FRMD3: variants seen among roughly 807,000 people sequenced by gnomAD.
FRMD3 encodes the protein FERM domain-containing protein 3.
In FRMD3, 33 loss-of-function variants were observed where a neutral mutation model predicts 70.2. That is an observed-to-expected ratio of 0.47 (90% CI 0.36 to 0.63). The LOEUF is 0.63. Among genes scored for constraint, FRMD3 ranks in the 20% least tolerant of loss-of-function variants. FRMD3 has a pLI of 0.00. For synonymous variants in FRMD3, 279 were observed against 255.9 expected (o/e 1.09, Z -0.86); for missense variants, 632 against 711.4 (o/e 0.89, Z 1.27).
At chr9:83,516,294 G>GA (rs878971110) in intron 1 of FRMD3, among the ~76,000 whole-genome samples, 114 of 119,696 alleles carry the variant, frequency 9.5e-4, no homozygotes, top group Admixed American at 1.4e-3. Context: ...CAAATAGAAA[G>GA]AAAAAAAAAA....
chr9:83,385,159 A>G (rs1309969859), intron 2 of FRMD3, among the ~76,000 whole-genome samples: 1 of 148,946 alleles, frequency 6.7e-6, no homozygotes, highest in Non-Finnish European at 1.5e-5. Context: ...ATACCTGAGC[A>G]GAAGTGGTAA....
chr9:83,465,329 C>T (rs1380074026), intron 1 of FRMD3, among the ~76,000 whole-genome samples: 2 of 152,178 alleles, frequency 1.3e-5, no homozygotes, highest in East Asian at 3.9e-4. Context: ...GTGGCTCATG[C>T]CTGTAAGCTC....
intron 6 of FRMD3, among the ~76,000 whole-genome samples, chr9:83,317,190 G>GCACA (rs1186364328): frequency 9.0e-6 from 1 of 111,166 alleles, no homozygotes; most frequent in Non-Finnish European, 1.8e-5. Context: ...CGTCTCTCAT[G>GCACA]CATACACACA....
intron 6 of FRMD3, among the ~76,000 whole-genome samples, chr9:83,320,829 T>G (rs558018491): frequency 6.6e-4 from 101 of 152,264 alleles, no homozygotes; most frequent in African/African-American, 2.2e-3. Flanking sequence ...GTTGTTTTGT[T>G]GTTGTTGTTG....
chr9:83,246,962 G>A lies in FRMD3; in HGVS notation c.*956C>T. ...CTTTCCATTTCTCCAGTTCCTATCT[G>A]CCTTCACTCTTGGGTTAATGTACAT... is the stretch of plus-strand genomic sequence containing the variant. On this transcript the variant is annotated 3_prime_UTR_variant, in exon 14 of 14. Coordinates refer to ENST00000304195, the MANE Select transcript of FRMD3 (RefSeq NM_174938.6). 1.0e-6 allele frequency: 1 copy of A among 985,352 alleles called. No individual in the cohort carries two copies. The highest frequency in any genetic ancestry group is 1.2e-6 in the Non-Finnish European group (1 of 829,930). The allele number at this position is 985,352 out of a possible 1,614,324, so 61.0% of individuals were successfully genotyped here. A position where few individuals can be genotyped will look rare whatever the true frequency, so the allele number is the denominator to read the frequency against.
intron 1 of FRMD3, among the ~76,000 whole-genome samples, chr9:83,459,444 T>G (rs1222913364): frequency 2.0e-5 from 3 of 152,232 alleles, no homozygotes; most frequent in African/African-American, 7.2e-5. Flanking sequence ...TGTGGAGGTT[T>G]CAGCTCACTT....
chr9:83,572,767 T>C, the FRMD3 span, among the ~76,000 whole-genome samples: 1 of 152,184 alleles, frequency 6.6e-6, no homozygotes, highest in Non-Finnish European at 1.5e-5. Context: ...CAGGATGTGG[T>C]TTCTCAGGGA....
intron 3 of FRMD3, among the ~76,000 whole-genome samples, chr9:83,364,794 G>C (rs1824735642): frequency 6.6e-6 from 1 of 152,192 alleles, no homozygotes. Flanking sequence ...TGTGAATTGT[G>C]TGAGCGATGT....
At chr9:83,494,858 TGC>T (rs67136269) in intron 1 of FRMD3, among the ~76,000 whole-genome samples, 1,533 of 148,674 alleles carry the variant, frequency 0.01, 21 homozygotes, top group African/African-American at 0.027. Context: ...TGTGTGTGTG[TGC>T]GCGCGCGCAT....
intron 13 of FRMD3, among the ~76,000 whole-genome samples, chr9:83,289,545 T>C (rs970981177): frequency 6.6e-6 from 1 of 152,210 alleles, no homozygotes; most frequent in African/African-American, 2.4e-5. Context: ...CTGCTACCTA[T>C]CTCAAGGGTA....
At chr9:83,569,771 T>A in the FRMD3 span, among the ~76,000 whole-genome samples, 1 of 152,226 alleles carries the variant, frequency 6.6e-6, no homozygotes. Context: ...TTATTTTGAT[T>A]TCGCCACTTA....
At chr9:83,337,258 T>C (rs1456240448) in intron 5 of FRMD3, among the ~76,000 whole-genome samples, 1 of 152,148 alleles carries the variant, frequency 6.6e-6, no homozygotes, top group Non-Finnish European at 1.5e-5. Flanking sequence ...AGTCTACGTT[T>C]CCCCACCTGT....
At chr9:83,294,505 A>T (rs557147776) in intron 12 of FRMD3, among the ~76,000 whole-genome samples, 1 of 152,310 alleles carries the variant, frequency 6.6e-6, no homozygotes, top group South Asian at 2.1e-4. Flanking sequence ...GCCCAATTGA[A>T]CTAATGACAA....
chr9:83,417,642 C>G (rs1451311043), intron 1 of FRMD3, among the ~76,000 whole-genome samples: 1 of 152,144 alleles, frequency 6.6e-6, no homozygotes, highest in African/African-American at 2.4e-5. Context: ...ATGTGAAGCT[C>G]CAGGAAGAAA....
chr9:83,269,866 T>G (rs990325425), intron 13 of FRMD3, among the ~76,000 whole-genome samples: 1 of 152,214 alleles, frequency 6.6e-6, no homozygotes, highest in African/African-American at 2.4e-5. Context: ...TTTTCAGAGA[T>G]CGTAAGTAGA....
At chr9:83,314,492 C>G (rs1835486897) in intron 6 of FRMD3, among the ~76,000 whole-genome samples, 1 of 152,172 alleles carries the variant, frequency 6.6e-6, no homozygotes. Flanking sequence ...AACAGGAATT[C>G]ATTTTATTTT....
intron 1 of FRMD3, among the ~76,000 whole-genome samples, chr9:83,401,427 C>G (rs1825947456): frequency 6.6e-6 from 1 of 151,972 alleles, no homozygotes; most frequent in African/African-American, 2.4e-5. Flanking sequence ...AAACTGAGAC[C>G]CAGAGAATTT....
rs1021855252 is a variant in FRMD3 at position 83,450,211 on chromosome 9, G to A, written c.148-60503C>T. On this transcript the variant is annotated intron_variant, in intron 1 of 13. Coordinates refer to ENST00000304195, the MANE Select transcript of FRMD3 (RefSeq NM_174938.6). ...CATGTGTGTGTGTGCACCCGTGCGC[G>A]CACACACACACACACACAGACACAC... 8.6e-5 allele frequency among the ~76,000 whole-genome samples: 13 copies of A among 150,474 alleles called. 1 individual carries two copies. The highest frequency in any genetic ancestry group is 8.6e-4 in the Admixed American group (13 of 15,118).
intron 4 of FRMD3, among the ~76,000 whole-genome samples, chr9:83,343,620 C>T (rs1455343168): frequency 6.6e-6 from 1 of 152,194 alleles, no homozygotes; most frequent in Non-Finnish European, 1.5e-5. Context: ...ACAGCCATGG[C>T]CACCGTCATC....
Sources: gnomAD v4.1 joint callset for allele counts (sites outside exome capture counted in the v4.1 genomes callset) on GRCh38, gnomAD v4.1.1 for gene constraint, MANE v1.5 for transcripts, NCBI Gene and HGNC (gene_info 2026-07-23, HGNC 2026-07-21) for gene names.